The following DAB2IP variants were observed in gnomAD, a reference collection of about 807,000 sequenced individuals.
The protein encoded by DAB2IP is DAB2 interacting protein.
Under a neutral mutation model 107.2 loss-of-function variants are expected in DAB2IP, and 28 were observed. The observed-to-expected ratio is 0.26, with a 90% confidence interval of 0.19 to 0.36. The LOEUF is 0.36. Ranked by LOEUF, DAB2IP falls within the 10% of genes least tolerant of loss-of-function variation. DAB2IP has a pLI of 1.00. For synonymous variants in DAB2IP, 755 were observed against 706.4 expected (o/e 1.07, Z -1.09); for missense variants, 1,400 against 1,644.7 (o/e 0.85, Z 2.57).
chr9:121,756,117 T>TG (rs1182900801), intron 3 of DAB2IP, among the ~76,000 whole-genome samples: 3 of 152,132 alleles, frequency 2.0e-5, no homozygotes, highest in Non-Finnish European at 4.4e-5. Context: ...TGTCCCACCG[T>TG]GGGGGCTGGG....
chr9:121,626,645 A>T (rs576816576), intron 1 of DAB2IP, among the ~76,000 whole-genome samples: 1 of 152,078 alleles, frequency 6.6e-6, no homozygotes, highest in East Asian at 1.9e-4. Context: ...GCTGGTCTCA[A>T]ACTCCTGATC....
intron 3 of DAB2IP, among the ~76,000 whole-genome samples, chr9:121,705,188 G>A (rs1041923582): frequency 6.6e-6 from 1 of 152,234 alleles, no homozygotes; most frequent in Non-Finnish European, 1.5e-5. Flanking sequence ...AATGGGATCA[G>A]CAAGGCTGGG....
intron 1 of DAB2IP, among the ~76,000 whole-genome samples, chr9:121,666,577 C>A (rs2119104397): frequency 6.6e-6 from 1 of 152,082 alleles, no homozygotes; most frequent in East Asian, 1.9e-4. Flanking sequence ...AGGGGAAGAT[C>A]ACACGCCGGG....
chr9:121,667,586 G>T (rs1833499507), intron 1 of DAB2IP, among the ~76,000 whole-genome samples: 1 of 152,016 alleles, frequency 6.6e-6, no homozygotes, highest in Non-Finnish European at 1.5e-5. Context: ...TGCCTGCCAG[G>T]TTCAAATGAT....
At chr9:121,710,444 C>T (rs966030145) in intron 3 of DAB2IP, among the ~76,000 whole-genome samples, 2 of 152,092 alleles carry the variant, frequency 1.3e-5, no homozygotes, top group African/African-American at 2.4e-5. Context: ...TCAGTGACTG[C>T]CCCTCCTATT....
chr9:121,739,880 G>T (rs572867600), intron 3 of DAB2IP, among the ~76,000 whole-genome samples: 1 of 152,294 alleles, frequency 6.6e-6, no homozygotes, highest in South Asian at 2.1e-4. Context: ...CAGCCCTGAG[G>T]AGCTCCAGCA....
chr9:121,642,442 A>G (rs1169217210), intron 1 of DAB2IP, among the ~76,000 whole-genome samples: 2 of 150,688 alleles, frequency 1.3e-5, no homozygotes, highest in Non-Finnish European at 3.0e-5. Flanking sequence ...CAGCCTCCCA[A>G]AGTGCTGCAA....
intron 1 of DAB2IP, among the ~76,000 whole-genome samples, chr9:121,583,801 G>A (rs753468747): frequency 5.3e-5 from 8 of 152,206 alleles, no homozygotes; most frequent in Non-Finnish European, 1.0e-4. Flanking sequence ...TGTGTCCAAG[G>A]AGAAGCTCAG....
intron 3 of DAB2IP, among the ~76,000 whole-genome samples, chr9:121,743,918 C>T (rs893146764): frequency 6.6e-6 from 1 of 152,168 alleles, no homozygotes; most frequent in African/African-American, 2.4e-5. Context: ...AATGTAGAAA[C>T]GGTTAGGAGG....
intron 1 of DAB2IP, among the ~76,000 whole-genome samples, chr9:121,630,589 T>C (rs1173347734): frequency 6.6e-6 from 1 of 151,422 alleles, no homozygotes; most frequent in Non-Finnish European, 1.5e-5. Context: ...AATTTTTGTA[T>C]TTTTATTTAT....
intron 1 of DAB2IP, among the ~76,000 whole-genome samples, chr9:121,673,893 TG>T (rs2119123611): frequency 6.6e-6 from 1 of 152,268 alleles, no homozygotes; most frequent in South Asian, 2.1e-4. Context: ...ATCAGCTCCA[TG>T]GGTGACTCCC....
exon 16 of DAB2IP, chr9:121,784,769 G>A (rs144873681): frequency 1.2e-3 from 187 of 153,584 alleles, no homozygotes; most frequent in Non-Finnish European, 2.0e-3. Context: ...AAGGCTTGGT[G>A]TCTGCGGGGG....
At chr9:121,731,203 C>T (rs1195163008) in intron 3 of DAB2IP, among the ~76,000 whole-genome samples, 5 of 152,212 alleles carry the variant, frequency 3.3e-5, no homozygotes, top group Non-Finnish European at 7.3e-5. Context: ...TTCCTGAGGA[C>T]AGACCGGGTG....
At chr9:121,586,009 C>T (rs117953740) in intron 1 of DAB2IP, among the ~76,000 whole-genome samples, 175 of 152,284 alleles carry the variant, frequency 1.1e-3, no homozygotes, top group Non-Finnish European at 2.1e-3. Context: ...CGCTGGGCCT[C>T]TCCCTGCATT....
intron 1 of DAB2IP, among the ~76,000 whole-genome samples, chr9:121,630,617 A>T (rs1831841265): frequency 6.7e-6 from 1 of 149,614 alleles, no homozygotes; most frequent in African/African-American, 2.5e-5. Flanking sequence ...TAATTTTTAT[A>T]TATATTTTTG....
At chr9:121,652,412 C>A (rs959830860) in intron 1 of DAB2IP, among the ~76,000 whole-genome samples, 117 of 152,190 alleles carry the variant, frequency 7.7e-4, no homozygotes, top group African/African-American at 2.7e-3. Context: ...CTCCATCAAG[C>A]TCAGGAGGCA....
Position 121,781,501 on chromosome 9 carries a change from G to A in DAB2IP, c.3352G>A (p.Ala1118Thr), listed in dbSNP as rs1564237169. 6.2e-6 allele frequency: 10 copies of A among 1,614,020 alleles called. No homozygotes were observed. The highest frequency in any genetic ancestry group is 1.1e-5 in the South Asian group (1 of 91,080). ...GGAGGAAGAACTGAAGAAGGACCAC[G>A]CAGAGATGCAAGCGGCTGTGGACTC... The change falls in exon 15 of 16, where the codon GCA becomes ACA. Residue 1118 changes from alanine to threonine, a missense_variant. Physicochemically the swap from Ala to Thr is moderately conservative, Grantham distance 58 (BLOSUM62 0). Coordinates refer to ENST00000408936, the Ensembl canonical transcript of DAB2IP.
intron 3 of DAB2IP, among the ~76,000 whole-genome samples, chr9:121,709,989 C>A (rs1250017572): frequency 6.6e-6 from 1 of 152,166 alleles, no homozygotes; most frequent in South Asian, 2.1e-4. Flanking sequence ...CTCACTTCAC[C>A]CTCACAGCAG....
At chr9:121,758,859 TC>T in intron 4 of DAB2IP, 38 bp from the exon 5 acceptor site, 1 of 1,587,654 alleles carries the variant, frequency 6.3e-7, no homozygotes, top group Non-Finnish European at 8.6e-7. Flanking sequence ...CTTGCTGTGG[TC>T]CCTTCCCTCA....
Sources: allele counts gnomAD v4.1 joint callset (sites outside exome capture counted in the v4.1 genomes callset), GRCh38; gene constraint gnomAD v4.1.1; transcripts MANE v1.5; gene names NCBI Gene and HGNC (gene_info 2026-07-23, HGNC 2026-07-21).